The following SYBU variants were observed in gnomAD, a reference collection of about 807,000 sequenced individuals.
SYBU encodes GOLSYN A protein.
In SYBU, 21 loss-of-function variants were observed where a neutral mutation model predicts 35.9. The observed-to-expected ratio is 0.58, with a 90% CI of 0.41 to 0.84. SYBU has a LOEUF of 0.84. Ranked by LOEUF, SYBU falls within the 40% of genes least tolerant of loss-of-function variation. SYBU has a pLI of 0.00. For synonymous variants in SYBU, 319 were observed against 324.3 expected (o/e 0.98, Z 0.18); for missense variants, 768 against 848.2 (o/e 0.91, Z 1.17).
rs749236773 is a variant in SYBU, at chr8:109,575,549, G to T, written c.1349C>A (p.Thr450Asn). ...DLFDEIVTATTTESGDLELVH... is the reference protein window; with the variant it reads ...DLFDEIVTATNTESGDLELVH... Reference sequence around the variant, plus strand: ...AAGCTCCAGGTCACCAGATTCTGTGGTGGTGGCTGTCACTATCTCATCGAA... The same window carrying T: ...AAGCTCCAGGTCACCAGATTCTGTGTTGGTGGCTGTCACTATCTCATCGAA... Residue 450 changes from threonine to asparagine, a missense_variant, in exon 7 of 7, where the codon ACC becomes AAC. Coordinates refer to ENST00000276646, the MANE Select transcript of SYBU (RefSeq NM_001099754.2). The T allele has an allele frequency of 2.4e-5, 38 of 1,614,184 alleles. 2 individuals are homozygous for T. The South Asian group carries it at 3.8e-4, about 16-fold the overall frequency.
chr8:109,659,676 G>T (rs78576333), intron 1 of SYBU, among the ~76,000 whole-genome samples: 1 of 152,076 alleles, frequency 6.6e-6, no homozygotes, highest in East Asian at 1.9e-4. Flanking sequence ...AGAACAATTC[G>T]GTTGTTCCCT....
At chr8:109,605,168 C>A (rs1825940698) in intron 3 of SYBU, among the ~76,000 whole-genome samples, 1 of 152,156 alleles carries the variant, frequency 6.6e-6, no homozygotes, top group Admixed American at 6.5e-5. Flanking sequence ...ACGAACTGTG[C>A]ACCATCAGAG....
intron 1 of SYBU, among the ~76,000 whole-genome samples, chr8:109,665,109 C>A (rs1282489581): frequency 3.3e-5 from 5 of 152,102 alleles, no homozygotes; most frequent in Non-Finnish European, 7.4e-5. Flanking sequence ...ATATATAATT[C>A]ACTTTTAAAC....
chr8:109,606,957 G>A (rs534921614), intron 3 of SYBU, among the ~76,000 whole-genome samples: 1 of 152,004 alleles, frequency 6.6e-6, no homozygotes, highest in African/African-American at 2.4e-5. Context: ...TACTAATATA[G>A]TATATGTTTT....
intron 2 of SYBU, among the ~76,000 whole-genome samples, chr8:109,621,645 C>T (rs11998240): frequency 0.12 from 17,849 of 152,166 alleles, 1,249 homozygotes; most frequent in South Asian, 0.23. Flanking sequence ...CCAGGCCCCA[C>T]CCTGGTGGAG....
At chr8:109,656,864 A>G (rs567233816) in intron 1 of SYBU, among the ~76,000 whole-genome samples, 1 of 152,274 alleles carries the variant, frequency 6.6e-6, no homozygotes, top group South Asian at 2.1e-4. Context: ...AAATACTATT[A>G]TTTATTTTAA....
rs1409298540 is a variant in SYBU at position 109,575,276 on chromosome 8, A to G, written c.1622T>C (p.Val541Ala). 7 of 1,614,076 alleles carry G rather than the reference A, an allele frequency of 4.3e-6. No individual in the cohort carries two copies. The African/African-American group carries it at 9.3e-5, about 22-fold the overall frequency. The change falls in exon 7 of 7, where the codon GTT (valine) becomes GCT (alanine). Residue 541 changes from valine (V) to alanine (A), a missense_variant. By Grantham distance (64) the Val-to-Ala change is moderately conservative. Coordinates refer to ENST00000276646, the MANE Select transcript of SYBU (RefSeq NM_001099754.2). ...GTTTGGATTTCTTGGAGTTAAATCA[A>G]CCACTAAGGCAGAGAGGGACTCTGG... ...SFPESLSALV[V>A]DLTPRNPNSA...
chr8:109,584,893 A>G lies in SYBU; in HGVS notation c.530+1167T>C, dbSNP rs1823439479. On this transcript the variant is annotated intron_variant, in intron 4 of 6. Transcript: ENST00000276646. The surrounding 1 kb of genome is among the most constrained non-coding windows in gnomAD (Gnocchi z 4.0). ...CTTTTGGATACCGTGGCCCAGGGGA[A>G]TCAAGTGACGTGACAAAGTCAGAAG... 6.6e-6 allele frequency among the ~76,000 whole-genome samples: 1 copy of G among 152,116 alleles called. No homozygotes were observed.
chr8:109,681,585 A>G (rs1042400707), upstream of SYBU, among the ~76,000 whole-genome samples: 2 of 152,114 alleles, frequency 1.3e-5, no homozygotes, highest in African/African-American at 4.8e-5. Context: ...AAAATGATGA[A>G]GTTTCTTTTC....
chr8:109,670,074 C>T (rs950284658), intron 1 of SYBU, among the ~76,000 whole-genome samples: 4 of 151,318 alleles, frequency 2.6e-5, no homozygotes, highest in Non-Finnish European at 5.9e-5. Flanking sequence ...TATTAGCTGT[C>T]AGTAATGGTA....
chr8:109,601,821 C>A (rs985505741), intron 3 of SYBU, among the ~76,000 whole-genome samples: 1 of 152,008 alleles, frequency 6.6e-6, no homozygotes, highest in Non-Finnish European at 1.5e-5. Context: ...AAAATGCAGC[C>A]AAAAAGGTGA....
chr8:109,627,152 T>TTG (rs1554621062), intron 2 of SYBU, among the ~76,000 whole-genome samples: 1 of 151,922 alleles, frequency 6.6e-6, no homozygotes, highest in Non-Finnish European at 1.5e-5. Context: ...ATAATTTTTG[T>TTG]GGGGGGGAAG....
At chr8:109,597,190 C>T in intron 3 of SYBU, among the ~76,000 whole-genome samples, 1 of 152,132 alleles carries the variant, frequency 6.6e-6, no homozygotes, top group Non-Finnish European at 1.5e-5. Flanking sequence ...ACATGAGAAG[C>T]TGACCCAGAG....
chr8:109,640,937 GA>G (rs552512716), intron 2 of SYBU, among the ~76,000 whole-genome samples: 12 of 151,812 alleles, frequency 7.9e-5, no homozygotes, highest in Non-Finnish European at 1.8e-4. Flanking sequence ...TAAAATCCTT[GA>G]AAAATGTAGC....
rs765353346 is a variant in SYBU at position 109,575,281 on chromosome 8, T to A, written c.1617A>T (p.Leu539Phe). 6.2e-6 allele frequency: 10 copies of A among 1,614,130 alleles called. No individual in the cohort carries two copies. The highest frequency in any genetic ancestry group is 8.5e-6 in the Non-Finnish European group (10 of 1,180,014). Residue 539 changes from leucine to phenylalanine, a missense_variant, in exon 7 of 7, where the codon TTA (leucine) becomes TTT (phenylalanine). Coordinates refer to ENST00000276646, the MANE Select transcript of SYBU (RefSeq NM_001099754.2). ...GATTTCTTGGAGTTAAATCAACCAC[T>A]AAGGCAGAGAGGGACTCTGGGAAGC... ...MESFPESLSA[L>F]VVDLTPRNPN...
Position 109,574,663 on chromosome 8 carries a change from G to A in SYBU, c.*243C>T, listed in dbSNP as rs967876231. On this transcript the variant is annotated 3_prime_UTR_variant, in exon 7 of 7. Coordinates refer to ENST00000276646, the MANE Select transcript of SYBU (RefSeq NM_001099754.2). ...TAAGAACGGGTACCTCAGACGACACGGCAGGGTCATGAGCATGCTTTCTAT... is the reference window on the plus strand; with the variant it reads ...TAAGAACGGGTACCTCAGACGACACAGCAGGGTCATGAGCATGCTTTCTAT... 2.8e-5 allele frequency: 11 copies of A among 390,520 alleles called. No homozygotes were observed. Among genetic ancestry groups the A allele is most frequent in the African/African-American group, 2.1e-4 (10 of 48,762 alleles). 24.2% of individuals were successfully genotyped at this position (390,520 alleles called of 1,614,324 possible). A position where few individuals can be genotyped will look rare whatever the true frequency, so the allele number is the denominator to read the frequency against.
At chr8:109,683,027 T>G (rs890099294), upstream of SYBU, among the ~76,000 whole-genome samples, 10 of 152,212 alleles carry the variant, frequency 6.6e-5, no homozygotes, top group African/African-American at 2.4e-4. Context: ...TTTCAGAGGA[T>G]GTATGGAATC....
At chr8:109,663,493 T>C (rs1166145306) in intron 1 of SYBU, among the ~76,000 whole-genome samples, 1 of 152,150 alleles carries the variant, frequency 6.6e-6, no homozygotes, top group African/African-American at 2.4e-5. Flanking sequence ...TGTATAATGG[T>C]AATGAATCAA....
intron 3 of SYBU, among the ~76,000 whole-genome samples, chr8:109,615,804 G>A (rs1045423650): frequency 6.6e-6 from 1 of 151,976 alleles, no homozygotes; most frequent in African/African-American, 2.4e-5. Flanking sequence ...GCTAACAAAT[G>A]AGATCCATGA....
Sources: allele counts gnomAD v4.1 joint callset (sites outside exome capture counted in the v4.1 genomes callset), GRCh38; gene constraint gnomAD v4.1.1; non-coding constraint Gnocchi (gnomAD v3.1); transcripts MANE v1.5; gene names NCBI Gene and HGNC (gene_info 2026-07-23, HGNC 2026-07-21).